The following SPEN variants were observed in gnomAD, a reference collection of about 807,000 sequenced individuals.
The protein encoded by SPEN is msx2-interacting protein.
SPEN carries 18 observed loss-of-function variants against 269.9 expected under a neutral mutation model. The ratio of observed to expected loss-of-function variants is 0.07; its 90% confidence interval spans 0.05 to 0.10. SPEN has a LOEUF of 0.10. Among genes scored for constraint, SPEN ranks in the 10% least tolerant of loss-of-function variants. SPEN has a pLI of 1.00. For missense variants in SPEN, 3,822 were observed against 4,631.2 expected (o/e 0.83, Z 5.07); for synonymous variants, 1,726 against 1,765.7 (o/e 0.98, Z 0.56).
In SPEN at chr1:15,932,783, C is replaced by G; in HGVS notation, c.6543C>G (p.Leu2181=). The part of the protein sequence containing the change: ...LEQAVEHIAK[L]AEASASAAYK... ...AGGCCGTGGAACACATCGCAAAGCT[C>G]GCTGAGGCCTCTGCCTCTGCTGCCT... is the stretch of plus-strand genomic sequence containing the variant. The change falls in exon 11 of 15, where the codon CTC becomes CTG. Residue 2181 remains leucine, a synonymous_variant. Coordinates refer to ENST00000375759, the MANE Select transcript of SPEN (RefSeq NM_015001.3). This position sits in a 1 kb window ranked among gnomAD's most constrained non-coding sequence, Gnocchi z 4.2. 6.2e-7 allele frequency: 1 copy of G among 1,614,220 alleles called. No homozygotes were observed. The highest frequency in any genetic ancestry group is 8.5e-7 in the Non-Finnish European group (1 of 1,180,038).
At chr1:15,895,815 G>A (rs568919556) in intron 3 of SPEN, among the ~76,000 whole-genome samples, 56 of 151,844 alleles carry the variant, frequency 3.7e-4, no homozygotes, top group African/African-American at 1.3e-3. Flanking sequence ...GAGTAGCTGG[G>A]ACTACAGGCA....
At chr1:15,883,836 G>T (rs1246510187) in intron 3 of SPEN, among the ~76,000 whole-genome samples, 1 of 118,136 alleles carries the variant, frequency 8.5e-6, no homozygotes. Flanking sequence ...TTGAGACAGA[G>T]TCTTGTTCTG....
chr1:15,895,609 A>T (rs1411357269), intron 3 of SPEN, among the ~76,000 whole-genome samples: 1 of 152,164 alleles, frequency 6.6e-6, no homozygotes, highest in African/African-American at 2.4e-5. Context: ...CTCTACCAAA[A>T]GATAGTAGTA....
chr1:15,888,203 G>A (rs2070754551), intron 3 of SPEN, among the ~76,000 whole-genome samples: 1 of 150,714 alleles, frequency 6.6e-6, no homozygotes, highest in African/African-American at 2.4e-5. Context: ...CCACCTCCTG[G>A]GTTCAAGCGA....
At position 15,937,245 on chromosome 1, in the gene SPEN, C is replaced by A. The variant is rs370894935; in HGVS notation, c.10109C>A (p.Pro3370Gln). 6.2e-7 allele frequency: 1 copy of A among 1,613,762 alleles called. No individual in the cohort carries two copies. The change falls in exon 12 of 15, where the codon CCG (proline) becomes CAG (glutamine). Residue 3370 changes from proline to glutamine, a missense_variant. Physicochemically the swap from Pro to Gln is moderately conservative, Grantham distance 76. This residue lies in a region of SPEN where 359 missense variants were observed against 377.3 expected (regional missense o/e 0.95). Coordinates refer to ENST00000375759, the MANE Select transcript of SPEN (RefSeq NM_015001.3). The surrounding 1 kb of genome is among the most constrained non-coding windows in gnomAD (Gnocchi z 5.7). ...TQPAQPAPPC[P>Q]PSQLGQPGQP... ...CCTGCCCAGCCTGCACCACCCTGCC[C>A]GCCCTCCCAGCTCGGTCAGCCCGGC... is the stretch of plus-strand genomic sequence containing the variant.
intron 1 of SPEN, among the ~76,000 whole-genome samples, chr1:15,855,054 A>G (rs2070371557): frequency 6.6e-6 from 1 of 152,210 alleles, no homozygotes; most frequent in East Asian, 1.9e-4. Context: ...AATGAACTCT[A>G]GCATATTTAA....
Position 15,922,621 on chromosome 1 carries a change from C to G in SPEN, c.1850+272C>G, listed in dbSNP as rs117373357. On this transcript the variant is annotated intron_variant, in intron 10 of 14. Coordinates refer to ENST00000375759, the MANE Select transcript of SPEN (RefSeq NM_015001.3). Reference sequence around the variant, plus strand: ...GAGTTACTGTTTTGCCAGGTGATAACTTTATGTACTTTTTTTTTTGAGACA... The same window carrying G: ...GAGTTACTGTTTTGCCAGGTGATAAGTTTATGTACTTTTTTTTTTGAGACA... Among the ~76,000 whole-genome samples, 341 of 150,612 alleles carry G rather than the reference C, an allele frequency of 2.3e-3. 8 individuals are homozygous for G. The East Asian group carries it at 0.063, about 28-fold the overall frequency.
intron 6 of SPEN, among the ~76,000 whole-genome samples, chr1:15,916,993 T>A (rs1272071975): frequency 6.6e-6 from 1 of 152,054 alleles, no homozygotes; most frequent in African/African-American, 2.4e-5. Context: ...TGGGCGTTGG[T>A]GGCTTGCTCC....
At chr1:15,899,310 G>T (rs1016086404) in intron 3 of SPEN, among the ~76,000 whole-genome samples, 2 of 152,024 alleles carry the variant, frequency 1.3e-5, no homozygotes, top group Admixed American at 6.6e-5. Flanking sequence ...AAGTAGCTGG[G>T]ACTACAGGCA....
At chr1:15,873,776 G>GA in intron 2 of SPEN, 2 of 1,018,498 alleles carry the variant, frequency 2.0e-6, no homozygotes, top group Non-Finnish European at 2.4e-6. Context: ...ATGGAATGGG[G>GA]AAAAATTAAA....
intron 1 of SPEN, among the ~76,000 whole-genome samples, chr1:15,857,987 G>A (rs1167714219): frequency 2.0e-5 from 3 of 152,106 alleles, no homozygotes; most frequent in African/African-American, 7.2e-5. Context: ...AATTAGCTGG[G>A]TGTGGTGGCA....
intron 3 of SPEN, among the ~76,000 whole-genome samples, chr1:15,907,848 T>A (rs1385120752): frequency 6.6e-6 from 1 of 152,216 alleles, no homozygotes; most frequent in Non-Finnish European, 1.5e-5. Flanking sequence ...TAATAAAGTT[T>A]TTTTCTATGA....
In SPEN at chr1:15,930,379, C is replaced by G; in HGVS notation, c.4139C>G (p.Ser1380Cys). Reference protein sequence around the residue: ...VRDLEPGEVPSDSDEDGEHKS... With the variant: ...VRDLEPGEVPCDSDEDGEHKS... ...GATCTGGAACCTGGTGAGGTGCCTT[C>G]TGATTCTGACGAAGATGGTGAACAC... Residue 1380 changes from serine (S) to cysteine (C), a missense_variant, in exon 11 of 15, where the codon TCT becomes TGT. Ser to Cys is a moderately radical substitution (Grantham distance 112, BLOSUM62 -1). Transcript: ENST00000375759. This position sits in a 1 kb window ranked among gnomAD's most constrained non-coding sequence, Gnocchi z 5.3. 1 of 1,613,548 alleles carries G rather than the reference C, an allele frequency of 6.2e-7. No homozygotes were observed. The highest frequency in any genetic ancestry group is 8.5e-7 in the Non-Finnish European group (1 of 1,179,582).
Position 15,848,173 on chromosome 1 carries a change from C to A in SPEN, c.83+23C>A. 7.0e-7 allele frequency: 1 copy of A among 1,430,194 alleles called. No individual in the cohort carries two copies. The highest frequency in any genetic ancestry group is 9.3e-7 in the Non-Finnish European group (1 of 1,072,984). 88.6% of individuals were successfully genotyped at this position (1,430,194 alleles called of 1,614,324 possible). Reference sequence around the variant, plus strand: ...ACGGTGAGTGACACGAGGCCCGCGGCCGCGCTCGCTCCTCGGGCGCCGCTT... The same window carrying A: ...ACGGTGAGTGACACGAGGCCCGCGGACGCGCTCGCTCCTCGGGCGCCGCTT... On this transcript the variant is annotated intron_variant, in intron 1 of 14. Coordinates refer to ENST00000375759, the MANE Select transcript of SPEN (RefSeq NM_015001.3). This position sits in a 1 kb window ranked among gnomAD's most constrained non-coding sequence, Gnocchi z 5.1.
At chr1:15,851,445 G>A (rs2070334121) in intron 1 of SPEN, among the ~76,000 whole-genome samples, 1 of 152,172 alleles carries the variant, frequency 6.6e-6, no homozygotes, top group South Asian at 2.1e-4. Context: ...TAGCTGGGTT[G>A]AAGGGGGAAG....
chr1:15,883,807 C>CTTT (rs36018800), intron 3 of SPEN, among the ~76,000 whole-genome samples: 6 of 69,540 alleles, frequency 8.6e-5, no homozygotes, highest in East Asian at 4.5e-4. Context: ...ATTTAAGATT[C>CTTT]TTTTTTTTTT....
intron 1 of SPEN, among the ~76,000 whole-genome samples, chr1:15,852,172 T>G (rs2070342471): frequency 6.6e-6 from 1 of 152,162 alleles, no homozygotes; most frequent in Non-Finnish European, 1.5e-5. Context: ...CTAGGGATAT[T>G]TTTAGACTTA....
At position 15,933,144 on chromosome 1, in the gene SPEN, A is replaced by G; in HGVS notation, c.6904A>G (p.Arg2302Gly). 6.2e-7 allele frequency: 1 copy of G among 1,614,166 alleles called. No homozygotes were observed. Residue 2302 changes from arginine to glycine, a missense_variant, in exon 11 of 15, where the codon AGA becomes GGA. Transcript: ENST00000375759. The surrounding 1 kb of genome is among the most constrained non-coding windows in gnomAD (Gnocchi z 5.7). ...CGGCCCAACAGATACCAAGGAAGCC[A>G]GAGGAAATAGCAGTGAAACCTCACA... ...SAGPTDTKEA[R>G]GNSSETSHSV... is the part of the protein sequence containing the mutation.
At chr1:15,849,431 G>A (rs1198722687) in intron 1 of SPEN, among the ~76,000 whole-genome samples, 1 of 152,262 alleles carries the variant, frequency 6.6e-6, no homozygotes, top group African/African-American at 2.4e-5. Flanking sequence ...GTTGGTGGTT[G>A]CTGTTACTGG....
Sources: allele counts gnomAD v4.1 joint callset (sites outside exome capture counted in the v4.1 genomes callset), GRCh38; gene constraint gnomAD v4.1.1; regional missense constraint gnomAD v4.1.1; non-coding constraint Gnocchi (gnomAD v3.1); transcripts MANE v1.5; gene names NCBI Gene and HGNC (gene_info 2026-07-23, HGNC 2026-07-21).